KIAA0513: variants seen among roughly 807,000 people sequenced by gnomAD.
KIAA0513 encodes the protein uncharacterized protein KIAA0513.
In KIAA0513, 39 loss-of-function variants were observed where a neutral mutation model predicts 56.5. That is an observed-to-expected ratio of 0.69 (90% CI 0.53 to 0.90). The LOEUF (loss-of-function observed/expected upper bound fraction) is 0.90, where lower values mean the gene tolerates loss of function less well. Among genes scored for constraint, KIAA0513 ranks in the 40% least tolerant of loss-of-function variants. The pLI is 0.00. For missense variants in KIAA0513, 591 were observed against 535.2 expected (o/e 1.10, Z -1.03); for synonymous variants, 268 against 215.6 (o/e 1.24, Z -2.13).
chr16:85,050,954 G>C (rs992775374), intron 1 of KIAA0513, among the ~76,000 whole-genome samples: 7 of 152,090 alleles, frequency 4.6e-5, no homozygotes, highest in African/African-American at 1.4e-4. Context: ...CCAGGTATTT[G>C]AGACCAGCCT....
chr16:85,079,768 A>T (rs2144079843), intron 8 of KIAA0513: 1 of 152,350 alleles, frequency 6.6e-6, no homozygotes, highest in Non-Finnish European at 1.5e-5. Flanking sequence ...TATGTTTTAG[A>T]GGGTGAATTT....
At position 85,077,592 on chromosome 16, in the gene KIAA0513, C is replaced by T. The variant is rs527357177; in HGVS notation, c.742C>T (p.Leu248=). 2.0e-4 allele frequency: 315 copies of T among 1,613,794 alleles called. 2 individuals are homozygous for T. The South Asian group carries it at 2.5e-3, about 13-fold the overall frequency. The change falls in exon 6 of 13, where the codon CTG becomes TTG. Residue 248 remains leucine (L), a synonymous_variant. Coordinates refer to ENST00000683363, the MANE Select transcript of KIAA0513 (RefSeq NM_001388359.1). The part of the protein sequence containing the change: ...TENVKGFFGG[L]ETKLKGPLAR... ...GAATGTCAAGGGCTTCTTCGGGGGG[C>T]TGGAGACCAAGCTGAAGGGGCCCCT...
chr16:85,077,898 G>T (rs1028442730), intron 6 of KIAA0513, among the ~76,000 whole-genome samples: 1 of 152,180 alleles, frequency 6.6e-6, no homozygotes, highest in South Asian at 2.1e-4. Flanking sequence ...GGGAACTGCA[G>T]CCCTCCCTTC....
At chr16:85,068,660 T>G (rs1407253568) in intron 2 of KIAA0513, among the ~76,000 whole-genome samples, 1 of 152,032 alleles carries the variant, frequency 6.6e-6, no homozygotes, top group East Asian at 1.9e-4. Flanking sequence ...AGAGATGAGG[T>G]TTCACCATGT....
Position 85,031,138 on chromosome 16 carries a change from G to A in KIAA0513, c.-173+3280G>A, listed in dbSNP as rs148855918. On this transcript the variant is annotated intron_variant, in intron 1 of 12. Coordinates refer to ENST00000683363, the MANE Select transcript of KIAA0513 (RefSeq NM_001388359.1). ...AACTGTGATTTATTAAGCTCATTCT[G>A]TAGAGGCCCAAGGTTCCAAGAACTG... Among the ~76,000 whole-genome samples the A allele has an allele frequency of 4.1e-3, 621 of 152,304 alleles. 6 individuals are homozygous for A. The highest frequency in any genetic ancestry group is 0.014 in the African/African-American group (589 of 41,566).
At chr16:85,048,967 G>T (rs1445007743) in intron 1 of KIAA0513, among the ~76,000 whole-genome samples, 1 of 152,180 alleles carries the variant, frequency 6.6e-6, no homozygotes, top group Non-Finnish European at 1.5e-5. Flanking sequence ...CAAAGGTGCA[G>T]TGTGTGTGTG....
intron 1 of KIAA0513, among the ~76,000 whole-genome samples, chr16:85,061,917 C>T (rs2073410993): frequency 6.6e-6 from 1 of 152,200 alleles, no homozygotes; most frequent in African/African-American, 2.4e-5. Context: ...TCCCCGGCCT[C>T]ATTGGCCTTC....
chr16:85,039,168 G>A (rs2073073889), intron 1 of KIAA0513, among the ~76,000 whole-genome samples: 1 of 152,196 alleles, frequency 6.6e-6, no homozygotes, highest in Admixed American at 6.5e-5. Context: ...TTCTCCTGCT[G>A]CTATAGAGGT....
intron 1 of KIAA0513, among the ~76,000 whole-genome samples, chr16:85,056,893 CA>C (rs2073338074): frequency 2.0e-5 from 3 of 152,042 alleles, no homozygotes. Flanking sequence ...TTTGTAGAGA[CA>C]AGGTCTCTCT....
intron 2 of KIAA0513, among the ~76,000 whole-genome samples, chr16:85,067,706 C>T (rs934642000): frequency 3.9e-5 from 6 of 152,216 alleles, no homozygotes; most frequent in Non-Finnish European, 8.8e-5. Flanking sequence ...GGCAACCATG[C>T]AGAGAATCCC....
At chr16:85,075,794 A>C (rs1424860052) in intron 4 of KIAA0513, 50 bp from the exon 5 acceptor site, 1 of 1,564,118 alleles carries the variant, frequency 6.4e-7, no homozygotes, top group Non-Finnish European at 8.8e-7. Flanking sequence ...GACTTGCAGG[A>C]AGAAGCAGGT....
rs1343190398 is a variant in KIAA0513 at position 85,067,159 on chromosome 16, G to A, written c.88G>A (p.Val30Met). ...TTCTCCCCTGGAGGCACCACCCCCT[G>A]TGCTGCAGGACGGCGATGGCTCCCT... ...TSSPLEAPPP[V>M]LQDGDGSLGD... The change falls in exon 2 of 13, where the codon GTG becomes ATG. Residue 30 changes from valine (V) to methionine (M), a missense_variant. Physicochemically the swap from Val to Met is conservative, Grantham distance 21. Transcript: ENST00000683363. 2 of 1,614,050 alleles carry A rather than the reference G, an allele frequency of 1.2e-6. No homozygotes were observed. Among genetic ancestry groups the A allele is most frequent in the Non-Finnish European group, 1.7e-6 (2 of 1,180,022 alleles).
intron 1 of KIAA0513, among the ~76,000 whole-genome samples, chr16:85,059,313 C>T (rs62049880): frequency 0.084 from 12,831 of 152,194 alleles, 1,749 homozygotes; most frequent in African/African-American, 0.28. Flanking sequence ...GTCCCTATAA[C>T]TTTGCTTAGG....
chr16:85,035,296 A>AG (rs535204805), intron 1 of KIAA0513, among the ~76,000 whole-genome samples: 90 of 152,272 alleles, frequency 5.9e-4, no homozygotes, highest in African/African-American at 2.1e-3. Context: ...CCCCAGGCCT[A>AG]GCCCAGTGCT....
intron 1 of KIAA0513, among the ~76,000 whole-genome samples, chr16:85,050,575 C>T (rs1369965896): frequency 1.3e-5 from 2 of 152,154 alleles, no homozygotes; most frequent in African/African-American, 4.8e-5. Flanking sequence ...CTCGGCTTCC[C>T]AAAGTGCTAG....
chr16:85,047,834 T>C (rs2073192887), intron 1 of KIAA0513, among the ~76,000 whole-genome samples: 1 of 152,184 alleles, frequency 6.6e-6, no homozygotes, highest in Non-Finnish European at 1.5e-5. Context: ...GTCAGGGACA[T>C]GGCAAACTCA....
At chr16:85,031,145 C>A (rs2072958669) in intron 1 of KIAA0513, among the ~76,000 whole-genome samples, 1 of 152,102 alleles carries the variant, frequency 6.6e-6, no homozygotes, top group Non-Finnish European at 1.5e-5. Flanking sequence ...TCTGTAGAGG[C>A]CCAAGGTTCC....
chr16:85,078,120 C>G (rs1035015802), intron 6 of KIAA0513, among the ~76,000 whole-genome samples: 5 of 152,160 alleles, frequency 3.3e-5, no homozygotes, highest in Non-Finnish European at 5.9e-5. Context: ...GAGGGAGCCC[C>G]CGGGGTCCCC....
chr16:85,050,212 G>A (rs553290382), intron 1 of KIAA0513, among the ~76,000 whole-genome samples: 3 of 152,172 alleles, frequency 2.0e-5, no homozygotes, highest in African/African-American at 7.2e-5. Flanking sequence ...AATGACTAAA[G>A]GGCAAAGTGT....
Sources: allele counts gnomAD v4.1 joint callset (sites outside exome capture counted in the v4.1 genomes callset), GRCh38; gene constraint gnomAD v4.1.1; transcripts MANE v1.5; gene names NCBI Gene and HGNC (gene_info 2026-07-23, HGNC 2026-07-21).